SRGAP3: variants seen among roughly 807,000 people sequenced by gnomAD.
SRGAP3 encodes the protein SLIT-ROBO Rho GTPase activating protein 3.
Under a neutral mutation model 121.1 loss-of-function variants are expected in SRGAP3, and 39 were observed. The ratio of observed to expected loss-of-function variants is 0.32; its 90% CI spans 0.25 to 0.42. The LOEUF is 0.42. Ranked by LOEUF, SRGAP3 falls within the 10% of genes least tolerant of loss-of-function variation. The pLI is 1.00. For missense variants in SRGAP3, 1,213 were observed against 1,470.6 expected, an observed-to-expected ratio of 0.82 and a Z score of 2.86; for synonymous variants, 601 against 570.0, an observed-to-expected ratio of 1.05 and a Z score of -0.77.
chr3:9,324,017 T>C (rs184506573), intron 3 of SRGAP3, among the ~76,000 whole-genome samples: 26 of 151,788 alleles, frequency 1.7e-4, no homozygotes, highest in Admixed American at 1.2e-3. Flanking sequence ...ACAAAAAAGG[T>C]AAAGTGACGT....
chr3:9,181,201 G>A (rs923614403), intron 1 of SRGAP3, among the ~76,000 whole-genome samples: 2 of 152,192 alleles, frequency 1.3e-5, no homozygotes, highest in East Asian at 1.9e-4. Context: ...GAAGTGTCAC[G>A]TGCTGCACAG....
intron 20 of SRGAP3, among the ~76,000 whole-genome samples, chr3:8,991,147 T>G (rs1007947808): frequency 6.6e-6 from 1 of 152,182 alleles, no homozygotes; most frequent in Admixed American, 6.5e-5. Flanking sequence ...CCTACAGGAT[T>G]CCAACCCTGG....
intron 2 of SRGAP3, among the ~76,000 whole-genome samples, chr3:9,110,644 G>A (rs980379240): frequency 3.3e-5 from 5 of 152,244 alleles, no homozygotes; most frequent in African/African-American, 4.8e-5. Flanking sequence ...TCCGATCAGC[G>A]GCCCATTCTC....
chr3:9,285,999 G>C (rs571718902), intron 3 of SRGAP3, among the ~76,000 whole-genome samples: 30 of 151,932 alleles, frequency 2.0e-4, no homozygotes, highest in African/African-American at 6.8e-4. Flanking sequence ...TGTAGTCCCA[G>C]CTGCTGGGAG....
intron 9 of SRGAP3, among the ~76,000 whole-genome samples, chr3:9,047,919 C>A (rs1945371110): frequency 1.3e-5 from 2 of 152,066 alleles, no homozygotes; most frequent in Non-Finnish European, 2.9e-5. Context: ...CAGAGAGGAG[C>A]CTCGGAACGA....
intron 1 of SRGAP3, among the ~76,000 whole-genome samples, chr3:9,160,566 T>C (rs1950572070): frequency 6.6e-6 from 1 of 152,194 alleles, no homozygotes; most frequent in Admixed American, 6.5e-5. Flanking sequence ...ACTAGCAAGA[T>C]CTTGACTGTA....
rs567026544 is a variant in SRGAP3 at position 9,179,704 on chromosome 3, G to A, written c.68-54787C>T. On this transcript the variant is annotated intron_variant, in intron 1 of 21. Transcript: ENST00000383836. ...GGCCTCTGTCACAAGGAAACTGAGA[G>A]AATCAACCGAGGGCATAATAACTAA... 1.2e-4 allele frequency among the ~76,000 whole-genome samples: 18 copies of A among 152,368 alleles called. No individual in the cohort carries two copies. In the South Asian group the frequency reaches 3.5e-3, roughly 30 times the overall value.
intron 2 of SRGAP3, among the ~76,000 whole-genome samples, chr3:9,111,430 C>T (rs1372453777): frequency 6.6e-6 from 1 of 152,200 alleles, no homozygotes; most frequent in African/African-American, 2.4e-5. Context: ...GGCAAAGGCG[C>T]CTCAGGGCGG....
intron 3 of SRGAP3, among the ~76,000 whole-genome samples, chr3:9,321,676 G>C (rs1955440734): frequency 6.6e-6 from 1 of 151,810 alleles, no homozygotes; most frequent in South Asian, 2.1e-4. Flanking sequence ...GTCTTTTACG[G>C]GAACACGGAT....
At chr3:9,204,236 G>A (rs1286870004) in intron 1 of SRGAP3, among the ~76,000 whole-genome samples, 2 of 152,226 alleles carry the variant, frequency 1.3e-5, no homozygotes, top group African/African-American at 4.8e-5. Context: ...AGAAAAGCTG[G>A]AGAAGGCAGA....
chr3:9,017,199 C>T (rs957242169), intron 14 of SRGAP3, among the ~76,000 whole-genome samples: 1 of 152,128 alleles, frequency 6.6e-6, no homozygotes, highest in Non-Finnish European at 1.5e-5. Context: ...GTCATAAAGA[C>T]CTTCCAGATC....
At chr3:9,104,241 G>A (rs1948326358) in intron 3 of SRGAP3, among the ~76,000 whole-genome samples, 1 of 152,182 alleles carries the variant, frequency 6.6e-6, no homozygotes, top group African/African-American at 2.4e-5. Context: ...AAAAATGCAT[G>A]TGTACACTAG....
At chr3:9,173,003 A>T (rs1427145186) in intron 1 of SRGAP3, among the ~76,000 whole-genome samples, 1 of 152,200 alleles carries the variant, frequency 6.6e-6, no homozygotes, top group African/African-American at 2.4e-5. Context: ...CTACCAAGGC[A>T]AACAGGAGAG....
chr3:9,177,174 A>G (rs1454451780), intron 1 of SRGAP3, among the ~76,000 whole-genome samples: 1 of 152,220 alleles, frequency 6.6e-6, no homozygotes, highest in Non-Finnish European at 1.5e-5. Flanking sequence ...GCTATGTGCC[A>G]GACACTCTAC....
intron 8 of SRGAP3, among the ~76,000 whole-genome samples, chr3:9,053,541 C>G (rs921419234): frequency 1.3e-5 from 2 of 152,166 alleles, no homozygotes. Flanking sequence ...TTCTCTTAGC[C>G]TAATTATGTA....
chr3:9,361,929 T>C (rs564737117), intron 1 of SRGAP3, among the ~76,000 whole-genome samples: 46 of 152,252 alleles, frequency 3.0e-4, no homozygotes, highest in Non-Finnish European at 5.9e-4. Context: ...AGGCCACCAT[T>C]TTTTAAACAT....
At chr3:9,300,080 T>C (rs553178826) in intron 3 of SRGAP3, among the ~76,000 whole-genome samples, 2 of 146,300 alleles carry the variant, frequency 1.4e-5, no homozygotes, top group East Asian at 4.1e-4. Context: ...AATTAAGAGA[T>C]AATGTATGAG....
Position 9,037,872 on chromosome 3 carries a change from G to A in SRGAP3, c.1436+191C>T, listed in dbSNP as rs1028013276. 4.1e-6 allele frequency: 3 copies of A among 727,974 alleles called. No individual in the cohort carries two copies. The African/African-American group carries it at 5.3e-5, about 13-fold the overall frequency. 45.1% of individuals were successfully genotyped at this position (727,974 alleles called of 1,614,324 possible). A position where few individuals can be genotyped will look rare whatever the true frequency, so the allele number is the denominator to read the frequency against. On this transcript the variant is annotated intron_variant, in intron 11 of 21. Transcript: ENST00000383836. ...TCCATCGCCAGCCTGGAGGGGCGTG[G>A]CTTTGTCAGTCTAATGCTAGAACAA...
At chr3:9,221,751 A>C (rs1157467804) in intron 1 of SRGAP3, among the ~76,000 whole-genome samples, 1 of 152,142 alleles carries the variant, frequency 6.6e-6, no homozygotes, top group Non-Finnish European at 1.5e-5. Flanking sequence ...TGACAAGGTC[A>C]GTCCACACAC....
Sources: gnomAD v4.1 joint callset for allele counts (sites outside exome capture counted in the v4.1 genomes callset) on GRCh38, gnomAD v4.1.1 for gene constraint, MANE v1.5 for transcripts, NCBI Gene and HGNC (gene_info 2026-07-23, HGNC 2026-07-21) for gene names.